The following MEGF11 variants were observed in gnomAD, a reference collection of about 807,000 sequenced individuals.
MEGF11 encodes the protein multiple epidermal growth factor-like domains protein 11.
In MEGF11, 126 loss-of-function variants were observed where a neutral mutation model predicts 146.6. The ratio of observed to expected loss-of-function variants is 0.86; its 90% CI spans 0.74 to 1.00. MEGF11 has a LOEUF of 1.00. Among genes scored for constraint, MEGF11 ranks in the 50% least tolerant of loss-of-function variants. The pLI, the probability that MEGF11 is intolerant of heterozygous loss-of-function variation, is 0.00. For synonymous variants in MEGF11, 532 were observed against 583.4 expected, an observed-to-expected ratio of 0.91 and a Z score of 1.27; for missense variants, 1,509 against 1,521.2, an observed-to-expected ratio of 0.99 and a Z score of 0.13.
chr15:66,221,042 C>A (rs1371361451), intron 1 of MEGF11, among the ~76,000 whole-genome samples: 1 of 152,144 alleles, frequency 6.6e-6, no homozygotes, highest in African/African-American at 2.4e-5. Context: ...AGGGTGAAAG[C>A]TGGGTGAAGG....
chr15:65,907,871 G>A (rs2078676810), intron 23 of MEGF11, among the ~76,000 whole-genome samples: 1 of 152,248 alleles, frequency 6.6e-6, no homozygotes, highest in Non-Finnish European at 1.5e-5. Flanking sequence ...CTCTCTCACT[G>A]GATACCAGCC....
intron 7 of MEGF11, 87 bp from the exon 8 acceptor site, chr15:65,970,776 G>C: frequency 6.9e-7 from 1 of 1,455,334 alleles, no homozygotes; most frequent in Non-Finnish European, 9.3e-7. Flanking sequence ...TGGCTCCAGG[G>C]ACCACCCAAC....
chr15:66,107,563 C>A (rs889384081), intron 4 of MEGF11, among the ~76,000 whole-genome samples: 2 of 152,190 alleles, frequency 1.3e-5, no homozygotes, highest in South Asian at 4.1e-4. Context: ...CCCCACAGAG[C>A]CCCAGAGCAG....
chr15:66,126,546 G>C (rs577673889), intron 2 of MEGF11, among the ~76,000 whole-genome samples: 4 of 152,212 alleles, frequency 2.6e-5, no homozygotes, highest in Non-Finnish European at 5.9e-5. Flanking sequence ...GGCTCAGACA[G>C]AGAGAGAAGT....
intron 10 of MEGF11, among the ~76,000 whole-genome samples, chr15:65,937,493 A>G (rs1401841388): frequency 6.6e-6 from 1 of 152,204 alleles, no homozygotes; most frequent in Non-Finnish European, 1.5e-5. Flanking sequence ...TGGTTTCTTT[A>G]TCAATCATCT....
intron 13 of MEGF11, among the ~76,000 whole-genome samples, chr15:65,924,313 G>A (rs2079284063): frequency 6.8e-6 from 1 of 147,102 alleles, no homozygotes; most frequent in Non-Finnish European, 1.5e-5. Flanking sequence ...TTGCAGCAGG[G>A]TAGAGGCTTC....
rs771358931 is a variant in MEGF11 at position 65,980,824 on chromosome 15, G to T, written c.716C>A (p.Thr239Asn). The change falls in exon 7 of 26, where the codon ACC becomes AAC. Residue 239 changes from threonine (T) to asparagine (N), a missense_variant. Transcript: ENST00000395614. Reference sequence around the variant, plus strand: ...ACACTCGCCAGTGATGTGGTGGCAGGTGCCCCCATTCTGACAGGGGCAGCG... The same window carrying T: ...ACACTCGCCAGTGATGTGGTGGCAGTTGCCCCCATTCTGACAGGGGCAGCG... ...ELRCPCQNGGTCHHITGECAC... is the reference protein window; with the variant it reads ...ELRCPCQNGGNCHHITGECAC... The T allele has an allele frequency of 1.9e-6, 3 of 1,605,240 alleles. No homozygotes were observed. The East Asian group carries it at 6.7e-5, about 36-fold the overall frequency.
At chr15:65,991,903 C>A (rs1404802489) in intron 5 of MEGF11, among the ~76,000 whole-genome samples, 1 of 152,192 alleles carries the variant, frequency 6.6e-6, no homozygotes, top group Non-Finnish European at 1.5e-5. Context: ...AATTATCAAG[C>A]ACCTATCATG....
At chr15:65,942,974 C>CT (rs58874869) in intron 10 of MEGF11, among the ~76,000 whole-genome samples, 992 of 47,520 alleles carry the variant, frequency 0.021, 80 homozygotes, top group African/African-American at 0.031. Flanking sequence ...AACAACTTGG[C>CT]TTTTTTTTTT....
At chr15:66,115,437 T>C (rs569149152) in intron 4 of MEGF11, among the ~76,000 whole-genome samples, 3 of 152,362 alleles carry the variant, frequency 2.0e-5, no homozygotes, top group African/African-American at 7.2e-5. Flanking sequence ...CCAAAGCCCA[T>C]GTGGGGCCAG....
In MEGF11 at chr15:66,144,242, G is replaced by A. The variant is rs75275555; in HGVS notation, c.-8-15831C>T. ...GAGGGGTCAACTAGGTGTGGGTGGA[G>A]CTGGGCATCGGTGTTGTCCAAAAGC... On this transcript the variant is annotated intron_variant, in intron 1 of 25. Coordinates refer to ENST00000395614, the MANE Select transcript of MEGF11 (RefSeq NM_001385028.1). Among the ~76,000 whole-genome samples, 149 of 152,282 alleles carry A rather than the reference G, an allele frequency of 9.8e-4. 3 individuals carry two copies. In the East Asian group the frequency reaches 0.025, roughly 26 times the overall value.
intron 1 of MEGF11, among the ~76,000 whole-genome samples, chr15:66,251,729 G>C (rs2092373383): frequency 6.6e-6 from 1 of 152,232 alleles, no homozygotes. Context: ...AGGAGACTTG[G>C]TTTATCTACT....
At chr15:66,091,243 T>C (rs1020971913) in intron 5 of MEGF11, among the ~76,000 whole-genome samples, 1 of 151,826 alleles carries the variant, frequency 6.6e-6, no homozygotes, top group Non-Finnish European at 1.5e-5. Flanking sequence ...CACTGGCAGA[T>C]AGACCCCCAA....
At chr15:66,205,130 G>A (rs910991347) in intron 1 of MEGF11, among the ~76,000 whole-genome samples, 8 of 152,004 alleles carry the variant, frequency 5.3e-5, no homozygotes, top group African/African-American at 9.7e-5. Context: ...AGCTTAGCAA[G>A]ACAAGAAACT....
intron 1 of MEGF11, among the ~76,000 whole-genome samples, chr15:66,194,186 G>A (rs2090950937): frequency 1.3e-5 from 2 of 152,308 alleles, no homozygotes; most frequent in African/African-American, 4.8e-5. Context: ...TGAAATAATG[G>A]CATTTGCAGC....
chr15:66,244,499 G>A (rs573345336), intron 1 of MEGF11, among the ~76,000 whole-genome samples: 2 of 152,212 alleles, frequency 1.3e-5, no homozygotes, highest in Non-Finnish European at 2.9e-5. Context: ...CCCAAAGGTC[G>A]GGAGAACTTC....
chr15:66,082,747 C>T (rs2085945602), intron 5 of MEGF11, among the ~76,000 whole-genome samples: 1 of 148,058 alleles, frequency 6.8e-6, no homozygotes, highest in Non-Finnish European at 1.5e-5. Context: ...GAGCACAAAT[C>T]ACCATCACCT....
At chr15:65,930,785 A>G (rs774907165) in intron 11 of MEGF11, 38 bp downstream of exon 11, 1 of 1,558,710 alleles carries the variant, frequency 6.4e-7, no homozygotes, top group South Asian at 1.2e-5. Context: ...GAATGTGCTC[A>G]TATGTCAGGG....
intron 13 of MEGF11, among the ~76,000 whole-genome samples, chr15:65,923,979 A>G (rs550969754): frequency 6.6e-6 from 1 of 152,302 alleles, no homozygotes; most frequent in East Asian, 1.9e-4. Context: ...CAGCAGGTGA[A>G]TATCAGAGGC....
Sources: gnomAD v4.1 joint callset for allele counts (sites outside exome capture counted in the v4.1 genomes callset) on GRCh38, gnomAD v4.1.1 for gene constraint, MANE v1.5 for transcripts, NCBI Gene and HGNC (gene_info 2026-07-23, HGNC 2026-07-21) for gene names.